Variants in SEMA6A observed in about 807,000 individuals in gnomAD.
SEMA6A encodes semaphorin 6A, also known as semaphorin-6A.
SEMA6A carries 25 observed loss-of-function variants against 96.8 expected under a neutral mutation model. The ratio of observed to expected loss-of-function variants is 0.26; its 90% CI spans 0.19 to 0.36. The LOEUF (loss-of-function observed/expected upper bound fraction) is 0.36, where lower values mean the gene tolerates loss of function less well. Ranked by LOEUF, SEMA6A falls within the 10% of genes least tolerant of loss-of-function variation. SEMA6A has a pLI of 1.00. For missense variants in SEMA6A, 1,363 were observed against 1,323.1 expected, an observed-to-expected ratio of 1.03 and a Z score of -0.47; for synonymous variants, 612 against 518.0, an observed-to-expected ratio of 1.18 and a Z score of -2.46.
At chr5:116,479,432 G>A (rs1756639285) in intron 12 of SEMA6A, among the ~76,000 whole-genome samples, 1 of 152,198 alleles carries the variant, frequency 6.6e-6, no homozygotes. Context: ...TTTCCATTTT[G>A]TGTGCCAGAG....
chr5:116,524,779 C>CACACACAG (rs1554090336), intron 1 of SEMA6A, among the ~76,000 whole-genome samples: 3 of 150,136 alleles, frequency 2.0e-5, no homozygotes, highest in African/African-American at 5.0e-5. Flanking sequence ...TATACACACA[C>CACACACAG]ACACACACAG....
At chr5:116,532,737 A>G (rs1759540070) in intron 1 of SEMA6A, among the ~76,000 whole-genome samples, 1 of 152,114 alleles carries the variant, frequency 6.6e-6, no homozygotes, top group African/African-American at 2.4e-5. Flanking sequence ...TGAATCAGTA[A>G]AGACTTATCG....
intron 7 of SEMA6A, 119 bp from the exon 8 acceptor site, chr5:116,489,126 GA>G: frequency 8.5e-7 from 1 of 1,174,100 alleles, no homozygotes; most frequent in Admixed American, 3.2e-5. Flanking sequence ...GCACAACTGG[GA>G]AAAATCCAAG....
intron 15 of SEMA6A, among the ~76,000 whole-genome samples, 166 bp downstream of exon 15, chr5:116,477,680 T>C (rs2112684807): frequency 6.6e-6 from 1 of 152,320 alleles, no homozygotes; most frequent in Middle Eastern, 3.4e-3. Context: ...TGTGATGTGG[T>C]GAGGCTCTAT....
At chr5:116,563,672 C>T (rs1250376077) in intron 1 of SEMA6A, among the ~76,000 whole-genome samples, 3 of 152,216 alleles carry the variant, frequency 2.0e-5, no homozygotes, top group Non-Finnish European at 4.4e-5. Context: ...CAAGAGTAAT[C>T]ACAATCTTGT....
intron 4 of SEMA6A, 93 bp from the exon 5 acceptor site, chr5:116,496,406 AC>A: frequency 2.0e-6 from 2 of 1,005,978 alleles, no homozygotes; most frequent in South Asian, 2.8e-5. Flanking sequence ...TAAAGGCTGA[AC>A]ATATATTTAT....
At chr5:116,481,366 A>T (rs1302784336) in intron 11 of SEMA6A, among the ~76,000 whole-genome samples, 2 of 152,188 alleles carry the variant, frequency 1.3e-5, no homozygotes, top group African/African-American at 4.8e-5. Context: ...GCAATGACTT[A>T]AGACTATCTG....
At chr5:116,562,625 G>A (rs1760863157) in intron 1 of SEMA6A, 1 of 691,352 alleles carries the variant, frequency 1.4e-6, no homozygotes, top group African/African-American at 1.8e-5. Flanking sequence ...TCAGGTGGCT[G>A]ACGGAGAAAA....
intron 1 of SEMA6A, among the ~76,000 whole-genome samples, chr5:116,537,529 AG>A (rs1217260151): frequency 6.6e-6 from 1 of 152,206 alleles, no homozygotes; most frequent in Non-Finnish European, 1.5e-5. Flanking sequence ...CAGGGTTTCC[AG>A]TTGCATGACC....
chr5:116,472,645 A>G lies in SEMA6A; in HGVS notation c.1729+428T>C, dbSNP rs183023003. Reference sequence around the variant, plus strand: ...ATTAAATGTATTCACCAAATTCCCTAAGGTTGGCATATTTCATGTTATCTG... The same window carrying G: ...ATTAAATGTATTCACCAAATTCCCTGAGGTTGGCATATTTCATGTTATCTG... On this transcript the variant is annotated intron_variant, in intron 17 of 18. Coordinates refer to ENST00000343348, the MANE Select transcript of SEMA6A (RefSeq NM_020796.5). 79 of 450,262 alleles carry G rather than the reference A, an allele frequency of 1.8e-4. 1 individual carries two copies. Among genetic ancestry groups the G allele is most frequent in the Admixed American group, 1.5e-3 (38 of 24,638 alleles). 27.9% of individuals were successfully genotyped at this position (450,262 alleles called of 1,614,324 possible). A position where few individuals can be genotyped will look rare whatever the true frequency, so the allele number is the denominator to read the frequency against.
At chr5:116,536,206 C>T (rs1759698713) in intron 1 of SEMA6A, 1 of 152,086 alleles carries the variant, frequency 6.6e-6, no homozygotes, top group Non-Finnish European at 1.5e-5. Context: ...ATTCCCACCC[C>T]CTGTTGGAAT....
chr5:116,555,085 C>A (rs960877274), intron 1 of SEMA6A, among the ~76,000 whole-genome samples: 1 of 152,154 alleles, frequency 6.6e-6, no homozygotes, highest in African/African-American at 2.4e-5. Context: ...GAAGGAGGGG[C>A]CCCAGTTCCC....
chr5:116,535,176 A>G (rs771134423), intron 1 of SEMA6A, among the ~76,000 whole-genome samples: 5 of 152,224 alleles, frequency 3.3e-5, no homozygotes, highest in Non-Finnish European at 7.3e-5. Flanking sequence ...ACACAGCACA[A>G]AAGCCTGGAA....
At chr5:116,554,054 G>C (rs1448373920) in intron 1 of SEMA6A, among the ~76,000 whole-genome samples, 2 of 152,150 alleles carry the variant, frequency 1.3e-5, no homozygotes, top group African/African-American at 4.8e-5. Flanking sequence ...GGGCCACAGA[G>C]AGCCCTATAG....
In SEMA6A at chr5:116,482,363, G is replaced by C. The variant is rs1756825343; in HGVS notation, c.1094+81C>G. The C allele has an allele frequency of 4.1e-6, 6 of 1,473,852 alleles. No homozygotes were observed. The African/African-American group carries it at 5.6e-5, about 14-fold the overall frequency. The allele number at this position is 1,473,852 out of a possible 1,614,324, so 91.3% of individuals were successfully genotyped here. Reference sequence around the variant, plus strand: ...CTGGCATGGAAGGCACTGGTGCGCAGTTCATAGGATGTTCATTATCAGAGG... The same window carrying C: ...CTGGCATGGAAGGCACTGGTGCGCACTTCATAGGATGTTCATTATCAGAGG... On this transcript the variant is annotated intron_variant, in intron 11 of 18. Coordinates refer to ENST00000343348, the MANE Select transcript of SEMA6A (RefSeq NM_020796.5).
chr5:116,478,941 T>A (rs948671011), intron 12 of SEMA6A, among the ~76,000 whole-genome samples: 6 of 151,442 alleles, frequency 4.0e-5, no homozygotes, highest in African/African-American at 1.5e-4. Context: ...TGTGTGTGTG[T>A]GTGTGTGTGT....
At chr5:116,566,557 T>C (rs1335102490) in intron 1 of SEMA6A, among the ~76,000 whole-genome samples, 2 of 152,200 alleles carry the variant, frequency 1.3e-5, no homozygotes, top group Non-Finnish European at 2.9e-5. Context: ...ACATTTTATT[T>C]CCTAGTTGAA....
chr5:116,500,293 G>C (rs1343430692), intron 3 of SEMA6A, among the ~76,000 whole-genome samples: 2 of 152,154 alleles, frequency 1.3e-5, no homozygotes, highest in African/African-American at 4.8e-5. Flanking sequence ...ATGGACTCTA[G>C]AGCGAGACCA....
chr5:116,449,240 A>G (rs546078610), intron 18 of SEMA6A: 1 of 697,494 alleles, frequency 1.4e-6, no homozygotes, highest in African/African-American at 1.8e-5. Flanking sequence ...ACATGAATAC[A>G]TTAGAGGCAC....
Sources: allele counts gnomAD v4.1 joint callset (sites outside exome capture counted in the v4.1 genomes callset), GRCh38; gene constraint gnomAD v4.1.1; transcripts MANE v1.5; gene names NCBI Gene and HGNC (gene_info 2026-07-23, HGNC 2026-07-21).